C12orf56: variants seen among roughly 807,000 people sequenced by gnomAD.
C12orf56 encodes the protein chromosome 12 open reading frame 56.
A neutral mutation model predicts 69.9 loss-of-function variants in C12orf56; 71 were observed. That is an observed-to-expected ratio of 1.02 (90% CI 0.84 to 1.24). The LOEUF is 1.24. Among genes scored for constraint, C12orf56 ranks in the 50% most tolerant of loss-of-function variants. C12orf56 has a pLI of 0.00. For missense variants in C12orf56, 732 were observed against 738.5 expected (o/e 0.99, Z 0.10); for synonymous variants, 276 against 274.1 (o/e 1.01, Z -0.07).
chr12:64,315,752 C>T (rs1361538826), intron 4 of C12orf56, among the ~76,000 whole-genome samples: 1 of 151,938 alleles, frequency 6.6e-6, no homozygotes, highest in Non-Finnish European at 1.5e-5. Flanking sequence ...GCCAACATGG[C>T]GAAACCCTGT....
intron 1 of C12orf56, among the ~76,000 whole-genome samples, chr12:64,381,988 G>A (rs551231336): frequency 7.2e-5 from 11 of 152,174 alleles, no homozygotes; most frequent in South Asian, 4.2e-4. Context: ...TCAGCAGGGC[G>A]CGGTGGCTCA....
chr12:64,324,322 G>T (rs1353842908), intron 3 of C12orf56, among the ~76,000 whole-genome samples: 1 of 152,186 alleles, frequency 6.6e-6, no homozygotes, highest in Non-Finnish European at 1.5e-5. Context: ...AATAAGCAAT[G>T]AACATGTAGT....
chr12:64,346,764 G>T (rs893241140), intron 2 of C12orf56, among the ~76,000 whole-genome samples: 1 of 152,022 alleles, frequency 6.6e-6, no homozygotes, highest in African/African-American at 2.4e-5. Flanking sequence ...ATTAGCATTT[G>T]TTCTATTGTT....
intron 2 of C12orf56, among the ~76,000 whole-genome samples, chr12:64,331,356 C>T (rs897840050): frequency 1.3e-5 from 2 of 152,044 alleles, no homozygotes; most frequent in African/African-American, 4.8e-5. Flanking sequence ...GAAATATTAG[C>T]TGAGTGTGGT....
intron 1 of C12orf56, among the ~76,000 whole-genome samples, chr12:64,368,317 C>G (rs2039525829): frequency 6.6e-6 from 1 of 152,088 alleles, no homozygotes; most frequent in Non-Finnish European, 1.5e-5. Context: ...ACAAATGTCA[C>G]AAAACCCTCA....
At chr12:64,360,378 T>C (rs1332233336) in intron 1 of C12orf56, among the ~76,000 whole-genome samples, 1 of 152,056 alleles carries the variant, frequency 6.6e-6, no homozygotes, top group African/African-American at 2.4e-5. Flanking sequence ...TGAGCCAAGA[T>C]CATGCCATTG....
intron 6 of C12orf56, among the ~76,000 whole-genome samples, chr12:64,287,065 C>T (rs1417896777): frequency 4.0e-5 from 6 of 151,804 alleles, no homozygotes; most frequent in African/African-American, 7.3e-5. Flanking sequence ...GGCAAAACCC[C>T]GTCTCTACTA....
Position 64,275,215 on chromosome 12 carries a change from A to T in C12orf56, c.1509+83T>A. On this transcript the variant is annotated intron_variant, in intron 10 of 12. Transcript: ENST00000543942. ...ATTAATCATATAACATAATCACATA[A>T]TATACATATATCATAATATATAATA... 3 of 712,220 alleles carry T rather than the reference A, an allele frequency of 4.2e-6. No individual in the cohort carries two copies. In the South Asian group the frequency reaches 6.4e-5, roughly 15 times the overall value. 44.1% of individuals were successfully genotyped at this position (712,220 alleles called of 1,614,324 possible).
At chr12:64,301,252 A>C (rs914661811) in intron 6 of C12orf56, among the ~76,000 whole-genome samples, 3 of 152,182 alleles carry the variant, frequency 2.0e-5, no homozygotes, top group Non-Finnish European at 2.9e-5. Flanking sequence ...CCTTTCACAA[A>C]GGCTGGGATG....
At chr12:64,365,274 C>T (rs752636802) in intron 1 of C12orf56, among the ~76,000 whole-genome samples, 1 of 151,078 alleles carries the variant, frequency 6.6e-6, no homozygotes, top group Non-Finnish European at 1.5e-5. Context: ...AAGTGATTCT[C>T]CTGCTTCAGC....
chr12:64,348,585 C>T (rs2039179149), intron 2 of C12orf56, among the ~76,000 whole-genome samples: 1 of 152,140 alleles, frequency 6.6e-6, no homozygotes, highest in African/African-American at 2.4e-5. Flanking sequence ...TTGGATGCTA[C>T]AGAGGGCCCC....
chr12:64,352,344 T>C (rs1367107448), intron 2 of C12orf56: 1 of 152,342 alleles, frequency 6.6e-6, no homozygotes, highest in Non-Finnish European at 1.5e-5. Flanking sequence ...GAGACAGGCC[T>C]CTGAGGGAGA....
In C12orf56 at chr12:64,277,178, G is replaced by T. The variant is rs561303963; in HGVS notation, c.1434+502C>A. The stretch of plus-strand genomic sequence containing the variant: ...TTCTCTCAGAAGGTATGCCTTCTAG[G>T]CAGTTTGATATTTCTAATGTCTTGG... On this transcript the variant is annotated intron_variant, in intron 9 of 12. Transcript: ENST00000543942. Among the ~76,000 whole-genome samples the T allele has an allele frequency of 9.9e-5, 15 of 151,992 alleles. No individual in the cohort carries two copies. The South Asian group carries it at 2.9e-3, about 30-fold the overall frequency.
At position 64,264,986 on chromosome 12, in the gene C12orf56, A is replaced by G. The variant is rs2037905856; in HGVS notation, c.*2197T>C. 6.6e-6 allele frequency: 1 copy of G among 152,184 alleles called. No homozygotes were observed. Among genetic ancestry groups the G allele is most frequent in the African/African-American group, 2.4e-5 (1 of 41,434 alleles). The allele number at this position is 152,184 out of a possible 1,614,324, so 9.4% of individuals were successfully genotyped here. On this transcript the variant is annotated 3_prime_UTR_variant, in exon 13 of 13. Transcript: ENST00000543942. ...AGTAAGATCCCAGGGCAAAGAGAGG[A>G]GTGGGAGAGGCATGCAGAAATCATG...
At chr12:64,319,595 C>T (rs1387967365) in intron 3 of C12orf56, among the ~76,000 whole-genome samples, 1 of 152,160 alleles carries the variant, frequency 6.6e-6, no homozygotes, top group Non-Finnish European at 1.5e-5. Flanking sequence ...TGGTGAGACA[C>T]AGGACTAGCT....
chr12:64,266,427 GTT>G lies in C12orf56; in HGVS notation c.*754_*755del, dbSNP rs367805320. The G allele has an allele frequency of 7.5e-5, 19 of 254,278 alleles. 1 individual carries two copies. The highest frequency in any genetic ancestry group is 3.6e-4 in the African/African-American group (16 of 44,276). The allele number at this position is 254,278 out of a possible 1,614,324, so 15.8% of individuals were successfully genotyped here. A position where few individuals can be genotyped will look rare whatever the true frequency, so the allele number is the denominator to read the frequency against. On this transcript the variant is annotated 3_prime_UTR_variant, in exon 13 of 13. Transcript: ENST00000543942. ...AAAACTCTGGCCTCCGGCCTTGGTG[GTT>G]TCTGGTGCAGGAACTGAGAGACCCT...
intron 2 of C12orf56, among the ~76,000 whole-genome samples, chr12:64,334,846 T>C (rs149463278): frequency 6.6e-6 from 1 of 152,300 alleles, no homozygotes; most frequent in Non-Finnish European, 1.5e-5. Flanking sequence ...AATATACCAC[T>C]AAAGCCTGTA....
In C12orf56 at chr12:64,265,285, A is replaced by G. The variant is rs1221046550; in HGVS notation, c.*1898T>C. On this transcript the variant is annotated 3_prime_UTR_variant, in exon 13 of 13. Coordinates refer to ENST00000543942, the MANE Select transcript of C12orf56 (RefSeq NM_001170633.2). Reference sequence around the variant, plus strand: ...TTGCTCCTCTCTCTCTGCCCCCAAAATTGAGGGTAGAAAATGTGGACTCCT... The same window carrying G: ...TTGCTCCTCTCTCTCTGCCCCCAAAGTTGAGGGTAGAAAATGTGGACTCCT... The G allele has an allele frequency of 6.6e-6, 1 of 152,216 alleles. No individual in the cohort carries two copies. The highest frequency in any genetic ancestry group is 1.9e-4 in the East Asian group (1 of 5,202). The allele number at this position is 152,216 out of a possible 1,614,324, so 9.4% of individuals were successfully genotyped here.
intron 8 of C12orf56, among the ~76,000 whole-genome samples, chr12:64,280,215 C>G (rs1432256423): frequency 1.3e-5 from 2 of 152,034 alleles, no homozygotes; most frequent in African/African-American, 4.8e-5. Flanking sequence ...ATTTAAAATC[C>G]ACTAGGACAA....
Sources: gnomAD v4.1 joint callset for allele counts (sites outside exome capture counted in the v4.1 genomes callset) on GRCh38, gnomAD v4.1.1 for gene constraint, MANE v1.5 for transcripts, NCBI Gene and HGNC (gene_info 2026-07-23, HGNC 2026-07-21) for gene names.